Variants in CD63 observed in about 807,000 individuals in gnomAD.
CD63 encodes CD63 molecule.
In CD63, 16 loss-of-function variants were observed where a neutral mutation model predicts 29.2. That is an observed-to-expected ratio of 0.55 (90% CI 0.37 to 0.83). The LOEUF is 0.83. CD63 is among the 40% of genes least tolerant of loss of function. The pLI is 0.00. For synonymous variants in CD63, 118 were observed against 111.7 expected, an observed-to-expected ratio of 1.06 and a Z score of -0.36; for missense variants, 251 against 297.3, an observed-to-expected ratio of 0.84 and a Z score of 1.15.
downstream of CD63, chr12:55,724,104 C>T (rs1877077577): frequency 6.3e-7 from 1 of 1,581,336 alleles, no homozygotes; most frequent in Non-Finnish European, 8.6e-7. Flanking sequence ...ACCAGAAAGG[C>T]CAGTCCTGCA....
intron 6 of CD63, 21 bp downstream of exon 6, chr12:55,726,100 C>T (rs1387991152): frequency 1.9e-6 from 3 of 1,613,402 alleles, no homozygotes; most frequent in African/African-American, 1.3e-5. Context: ...TCCCAAGTCC[C>T]ATACACAGTC....
chr12:55,727,777 G>T, intron 2 of CD63: 1 of 1,032,970 alleles, frequency 9.7e-7, no homozygotes, highest in Non-Finnish European at 1.2e-6. Context: ...GAGCAAGAGT[G>T]ATGTGTCCCT....
At chr12:55,723,753 G>C, downstream of CD63, 1 of 1,005,028 alleles carries the variant, frequency 9.9e-7, no homozygotes, top group South Asian at 1.3e-5. Context: ...CCCTTGTCCC[G>C]GGGCAGTAGG....
chr12:55,729,803 A>G (rs924192381), upstream of CD63: 1 of 152,376 alleles, frequency 6.6e-6, no homozygotes, highest in South Asian at 2.1e-4. Flanking sequence ...CAGCTCCTGC[A>G]TCCGTCTGTG....
intron 3 of CD63, 35 bp from the exon 4 acceptor site, chr12:55,726,999 T>A (rs374822776): frequency 2.5e-6 from 4 of 1,606,708 alleles, no homozygotes; most frequent in Non-Finnish European, 3.4e-6. Context: ...AAGTTTGGAG[T>A]CTATGCATTA....
At position 55,728,133 on chromosome 12, in the gene CD63, A is replaced by G; in HGVS notation, c.66+143T>C. ...GGTGTCCAGGAAAACTGGAGGAGGG[A>G]GTGGCTGCGCTGTCTTTCCCTGGCT... On this transcript the variant is annotated intron_variant, in intron 2 of 7. Coordinates refer to ENST00000257857, the MANE Select transcript of CD63 (RefSeq NM_001780.6). The surrounding 1 kb of genome is among the most constrained non-coding windows in gnomAD (Gnocchi z 4.8). 1 of 812,658 alleles carries G rather than the reference A, an allele frequency of 1.2e-6. No individual in the cohort carries two copies. The highest frequency in any genetic ancestry group is 2.0e-6 in the Non-Finnish European group (1 of 504,610). 50.3% of individuals were successfully genotyped at this position (812,658 alleles called of 1,614,324 possible).
chr12:55,726,848 A>C, intron 4 of CD63, 42 bp downstream of exon 4: 1 of 1,608,732 alleles, frequency 6.2e-7, no homozygotes, highest in Non-Finnish European at 8.5e-7. Context: ...CCAGGGTCCC[A>C]GACCCGGCTG....
downstream of CD63, chr12:55,723,634 TG>T (rs1241862788): frequency 3.3e-5 from 17 of 511,518 alleles, no homozygotes; most frequent in Admixed American, 1.3e-4. Context: ...TGGCCTGCCA[TG>T]CTTAAAATAT....
At position 55,728,687 on chromosome 12, in the gene CD63, G is replaced by A. The variant is rs1877696050; in HGVS notation, c.-12+266C>T. On this transcript the variant is annotated intron_variant, in intron 1 of 7. Coordinates refer to ENST00000257857, the MANE Select transcript of CD63 (RefSeq NM_001780.6). The surrounding 1 kb of genome is among the most constrained non-coding windows in gnomAD (Gnocchi z 4.8). Reference sequence around the variant, plus strand: ...TTCCCCACCCAACACCCAGCCTGGAGAAACGGTCTTCAGCCCAACCCCGAC... The same window carrying A: ...TTCCCCACCCAACACCCAGCCTGGAAAAACGGTCTTCAGCCCAACCCCGAC... 7 of 1,151,186 alleles carry A rather than the reference G, an allele frequency of 6.1e-6. No homozygotes were observed. The highest frequency in any genetic ancestry group is 7.5e-6 in the Non-Finnish European group (7 of 930,450). 71.3% of individuals were successfully genotyped at this position (1,151,186 alleles called of 1,614,324 possible).
upstream of CD63, chr12:55,729,055 C>G (rs933933947): frequency 1.0e-5 from 10 of 985,468 alleles, no homozygotes; most frequent in African/African-American, 1.7e-4. Context: ...CGGCCCCGCC[C>G]CGGGCTCCAG....
chr12:55,726,975 A>G lies in CD63; in HGVS notation c.256-11T>C. 1 of 1,613,722 alleles carries G rather than the reference A, an allele frequency of 6.2e-7. No homozygotes were observed. On this transcript the variant is annotated splice_polypyrimidine_tract_variant and intron_variant, in intron 3 of 7. Coordinates refer to ENST00000257857, the MANE Select transcript of CD63 (RefSeq NM_001780.6). ...CAGAAAGATGGCAAACTGCAGGAGC[A>G]AAGGACAGAAGTCAAGTTTGGAGTC... is the stretch of plus-strand genomic sequence containing the variant.
chr12:55,725,853 A>G lies in CD63; in HGVS notation c.611T>C (p.Leu204Pro), dbSNP rs1484207658. The change falls in exon 7 of 8, where the codon CTG becomes CCG. Residue 204 changes from leucine (L) to proline (P), a missense_variant. Leu to Pro is a moderately conservative substitution (Grantham distance 98). Transcript: ENST00000257857. ...TCCAAGGGCTGCTGCAGCTACCACC[A>G]GCACATTTTTCCTCAGCCAGCCCCC... Reference protein sequence around the residue: ...KIGGWLRKNVLVVAAAALGIA... With the variant: ...KIGGWLRKNVPVVAAAALGIA... 1 of 1,613,978 alleles carries G rather than the reference A, an allele frequency of 6.2e-7. No individual in the cohort carries two copies. Among genetic ancestry groups the G allele is most frequent in the Non-Finnish European group, 8.5e-7 (1 of 1,180,020 alleles).
At chr12:55,723,734 C>T, downstream of CD63, 1 of 826,568 alleles carries the variant, frequency 1.2e-6, no homozygotes. Flanking sequence ...CTCCCTCTAC[C>T]CCACTTGACC....
Position 55,725,856 on chromosome 12 carries a change from A to G in CD63, c.608T>C (p.Val203Ala). The change falls in exon 7 of 8, where the codon GTG (valine) becomes GCG (alanine). Residue 203 changes from valine (V) to alanine (A), a missense_variant. Coordinates refer to ENST00000257857, the MANE Select transcript of CD63 (RefSeq NM_001780.6). ...EKIGGWLRKN[V>A]LVVAAAALGI... is the part of the protein sequence containing the mutation. ...AAGGGCTGCTGCAGCTACCACCAGC[A>G]CATTTTTCCTCAGCCAGCCCCCAAT... is the stretch of plus-strand genomic sequence containing the variant. 4 of 1,614,116 alleles carry G rather than the reference A, an allele frequency of 2.5e-6. No homozygotes were observed. Among genetic ancestry groups the G allele is most frequent in the Non-Finnish European group, 3.4e-6 (4 of 1,180,008 alleles).
At position 55,728,303 on chromosome 12, in the gene CD63, C is replaced by G. The variant is rs1307300652; in HGVS notation, c.39G>C (p.Leu13Phe). 1.9e-6 allele frequency: 3 copies of G among 1,611,412 alleles called. No homozygotes were observed. Among genetic ancestry groups the G allele is most frequent in the Non-Finnish European group, 2.5e-6 (3 of 1,179,340 alleles). The change falls in exon 2 of 8, where the codon TTG becomes TTC. Residue 13 changes from leucine to phenylalanine, a missense_variant. Coordinates refer to ENST00000257857, the MANE Select transcript of CD63 (RefSeq NM_001780.6). The surrounding 1 kb of genome is among the most constrained non-coding windows in gnomAD (Gnocchi z 4.8). ...AAAAGGCCAGCAGGAGGACGTAGAGCAAGAACTTCACACATTTCATTCCTC... is the reference window on the plus strand; with the variant it reads ...AAAAGGCCAGCAGGAGGACGTAGAGGAAGAACTTCACACATTTCATTCCTC... ...VEGGMKCVKFLLYVLLLAFCA... is the reference protein window; with the variant it reads ...VEGGMKCVKFFLYVLLLAFCA...
chr12:55,726,615 G>A (rs12306693), intron 5 of CD63, 85 bp downstream of exon 5: 1 of 1,098,670 alleles, frequency 9.1e-7, no homozygotes, highest in South Asian at 1.3e-5. Context: ...AAAGTGCTGA[G>A]ATTACAGGCG....
rs1330594260 is a variant in CD63 at position 55,727,338 on chromosome 12, G to A, written c.68C>T (p.Ala23Val). The A allele has an allele frequency of 6.2e-7, 1 of 1,610,726 alleles. No individual in the cohort carries two copies. The highest frequency in any genetic ancestry group is 1.3e-5 in the African/African-American group (1 of 74,778). ...LLYVLLLAFC[A>V]CAVGLIAVGV... is the part of the protein sequence containing the mutation. ...CACGGCAATCAGTCCCACTGCACAG[G>A]CCTAAGAGAAAATCAGGTGAGGATT... Residue 23 changes from alanine (A) to valine (V), a missense_variant and splice_region_variant, in exon 3 of 8, where the codon GCC becomes GTC. By Grantham distance (64) the Ala-to-Val change is moderately conservative (BLOSUM62 0). Coordinates refer to ENST00000257857, the MANE Select transcript of CD63 (RefSeq NM_001780.6).
At position 55,728,503 on chromosome 12, in the gene CD63, G is replaced by A. The variant is rs1018766036; in HGVS notation, c.-11-151C>T. 13 of 1,470,016 alleles carry A rather than the reference G, an allele frequency of 8.8e-6. No individual in the cohort carries two copies. The African/African-American group carries it at 1.5e-4, about 18-fold the overall frequency. The allele number at this position is 1,470,016 out of a possible 1,614,324, so 91.1% of individuals were successfully genotyped here. A position where few individuals can be genotyped will look rare whatever the true frequency, so the allele number is the denominator to read the frequency against. ...CCCGCGGTCGGATCCACGTCTCCCAGCCCCCTCTTTACCCGCAGGAGAGGG... is the reference window on the plus strand; with the variant it reads ...CCCGCGGTCGGATCCACGTCTCCCAACCCCCTCTTTACCCGCAGGAGAGGG... On this transcript the variant is annotated intron_variant, in intron 1 of 7. Transcript: ENST00000257857. This position sits in a 1 kb window ranked among gnomAD's most constrained non-coding sequence, Gnocchi z 4.8.
Position 55,726,935 on chromosome 12 carries a change from CA to C in CD63, c.284del (p.Leu95TrpfsTer17). 9 of 1,614,098 alleles carry C rather than the reference CA, an allele frequency of 5.6e-6. No individual in the cohort carries two copies. Among genetic ancestry groups the C allele is most frequent in the Non-Finnish European group, 7.6e-6 (9 of 1,180,002 alleles). ...CAGCAATGGCTGCGGCCACCTCCAC[CA>C]ACATGATAAGAGACAGAAAGATGGC... is the stretch of plus-strand genomic sequence containing the variant. ...TFAIFLSLIM[L>X]VEVAAAIAGY... On this transcript the variant is annotated frameshift_variant, in exon 4 of 8. Coordinates refer to ENST00000257857, the MANE Select transcript of CD63 (RefSeq NM_001780.6). LOFTEE classifies it high-confidence loss of function.
Sources: gnomAD v4.1 joint callset for allele counts on GRCh38, gnomAD v4.1.1 for gene constraint, Gnocchi (gnomAD v3.1) non-coding constraint, MANE v1.5 for transcripts, NCBI Gene and HGNC (gene_info 2026-07-23, HGNC 2026-07-21) for gene names.